The following OPCML variants were observed in gnomAD, a reference collection of about 807,000 sequenced individuals.
The protein encoded by OPCML is opioid-binding protein/cell adhesion molecule.
Under a neutral mutation model 37.8 loss-of-function variants are expected in OPCML, and 13 were observed. That is an observed-to-expected ratio of 0.34 (90% CI 0.22 to 0.55). OPCML has a LOEUF of 0.55. Ranked by LOEUF, OPCML falls within the 20% of genes least tolerant of loss-of-function variation. The pLI is 0.91. For synonymous variants in OPCML, 176 were observed against 168.8 expected (o/e 1.04, Z -0.33); for missense variants, 341 against 435.6 (o/e 0.78, Z 1.93).
intron 1 of OPCML, among the ~76,000 whole-genome samples, chr11:133,193,496 G>A (rs532608060): frequency 2.0e-5 from 3 of 152,244 alleles, no homozygotes; most frequent in African/African-American, 7.2e-5. Context: ...TATTCCATTC[G>A]AAATGCCACA....
intron 4 of OPCML, among the ~76,000 whole-genome samples, chr11:132,507,274 T>C (rs1170544307): frequency 6.6e-6 from 1 of 152,096 alleles, no homozygotes; most frequent in Non-Finnish European, 1.5e-5. Flanking sequence ...TTTGCTTTCA[T>C]AAAGTTTAGA....
At chr11:132,832,934 A>T (rs2136282731) in intron 2 of OPCML, among the ~76,000 whole-genome samples, 1 of 152,232 alleles carries the variant, frequency 6.6e-6, no homozygotes, top group South Asian at 2.1e-4. Flanking sequence ...ATTTTTTTTT[A>T]AATAATACAC....
intron 2 of OPCML, among the ~76,000 whole-genome samples, chr11:132,919,783 G>A (rs1944729868): frequency 6.6e-6 from 1 of 152,312 alleles, no homozygotes; most frequent in Non-Finnish European, 1.5e-5. Context: ...CACCCACAGT[G>A]CCTAAAAAAT....
At chr11:133,490,629 C>A (rs1054044420) in intron 1 of OPCML, among the ~76,000 whole-genome samples, 1 of 152,178 alleles carries the variant, frequency 6.6e-6, no homozygotes, top group South Asian at 2.1e-4. Flanking sequence ...TGAGACCATG[C>A]CACTCCTCTG....
intron 7 of OPCML, among the ~76,000 whole-genome samples, chr11:132,422,297 T>C (rs917460378): frequency 4.6e-5 from 7 of 152,098 alleles, no homozygotes; most frequent in Non-Finnish European, 8.8e-5. Context: ...CAAGGTTGAA[T>C]ATAGCTAAAG....
At chr11:133,131,467 C>T (rs1949603071) in intron 1 of OPCML, among the ~76,000 whole-genome samples, 1 of 152,124 alleles carries the variant, frequency 6.6e-6, no homozygotes, top group South Asian at 2.1e-4. Flanking sequence ...TATGATCTCC[C>T]ACTACAGACC....
intron 1 of OPCML, among the ~76,000 whole-genome samples, chr11:133,448,075 T>G (rs1355830140): frequency 6.6e-6 from 1 of 152,230 alleles, no homozygotes; most frequent in Non-Finnish European, 1.5e-5. Flanking sequence ...CCTTTGTGAA[T>G]CATGCTTTTG....
chr11:132,717,045 G>A (rs1009853874), intron 2 of OPCML, among the ~76,000 whole-genome samples: 3 of 152,078 alleles, frequency 2.0e-5, no homozygotes, highest in Middle Eastern at 3.4e-3. Context: ...AGATACTCTG[G>A]ACATGTATCA....
At chr11:132,781,387 T>C (rs1947007376) in intron 2 of OPCML, among the ~76,000 whole-genome samples, 1 of 152,006 alleles carries the variant, frequency 6.6e-6, no homozygotes, top group Non-Finnish European at 1.5e-5. Flanking sequence ...TTCTTGCTTT[T>C]GGACTTGAAC....
chr11:132,441,401 C>T (rs967263438), intron 4 of OPCML, among the ~76,000 whole-genome samples: 1 of 151,698 alleles, frequency 6.6e-6, no homozygotes, highest in Non-Finnish European at 1.5e-5. Context: ...ATCTCCTGAC[C>T]TCGTGATCCG....
At position 132,647,160 on chromosome 11, in the gene OPCML, A is replaced by T. The variant is rs369509725; in HGVS notation, c.379+9927T>A. On this transcript the variant is annotated intron_variant, in intron 3 of 7. Coordinates refer to ENST00000524381, the MANE Select transcript of OPCML (RefSeq NM_001012393.5). ...AGAAGCTGAGTGGAGAATTGAAAGG[A>T]AGTTAAGCTAGAAGCTGAGTGGAGA... 2.0e-4 allele frequency among the ~76,000 whole-genome samples: 30 copies of T among 152,272 alleles called. No individual in the cohort carries two copies. The East Asian group carries it at 2.5e-3, about 13-fold the overall frequency.
chr11:133,068,490 T>C (rs916702041), intron 1 of OPCML, among the ~76,000 whole-genome samples: 13 of 152,222 alleles, frequency 8.5e-5, no homozygotes, highest in Admixed American at 3.9e-4. Flanking sequence ...TCAAAATTCA[T>C]GTGCTCTGTT....
intron 1 of OPCML, among the ~76,000 whole-genome samples, chr11:133,157,971 G>A (rs894554595): frequency 6.6e-6 from 1 of 152,206 alleles, no homozygotes; most frequent in African/African-American, 2.4e-5. Flanking sequence ...CAGGTCTCTG[G>A]TGAGGGCCAG....
chr11:133,450,319 C>T (rs1419915638), intron 1 of OPCML, among the ~76,000 whole-genome samples: 1 of 151,680 alleles, frequency 6.6e-6, no homozygotes, highest in East Asian at 1.9e-4. Flanking sequence ...TCTCCAAATA[C>T]TACAACCAGA....
chr11:133,261,855 C>T lies in OPCML; in HGVS notation c.61+270409G>A, dbSNP rs372237163. ...GAGCGGTGGCTCTAGTGGAATGCAGCGGGCAGGAGCAATGGCTGTGCAGGC... is the reference window on the plus strand; with the variant it reads ...GAGCGGTGGCTCTAGTGGAATGCAGTGGGCAGGAGCAATGGCTGTGCAGGC... On this transcript the variant is annotated intron_variant, in intron 1 of 7. Transcript: ENST00000524381. Among the ~76,000 whole-genome samples, 24 of 152,242 alleles carry T rather than the reference C, an allele frequency of 1.6e-4. No individual in the cohort carries two copies. In the East Asian group the frequency reaches 2.5e-3, roughly 16 times the overall value.
chr11:132,686,592 A>G (rs2135871512), intron 2 of OPCML, among the ~76,000 whole-genome samples: 1 of 152,334 alleles, frequency 6.6e-6, no homozygotes, highest in African/African-American at 2.4e-5. Context: ...TCTGGAACCA[A>G]AGTATCAATG....
At chr11:132,643,176 C>A (rs1295361437) in intron 3 of OPCML, among the ~76,000 whole-genome samples, 1 of 152,192 alleles carries the variant, frequency 6.6e-6, no homozygotes, top group Non-Finnish European at 1.5e-5. Flanking sequence ...TCTCGGGAAG[C>A]TGAGGCATGA....
At chr11:133,006,802 T>A in intron 1 of OPCML, 1 of 985,420 alleles carries the variant, frequency 1.0e-6, no homozygotes, top group Non-Finnish European at 1.2e-6. Context: ...TGCCTTCCAC[T>A]CTAGCAGGAG....
chr11:132,909,583 C>G (rs919606145), intron 2 of OPCML, among the ~76,000 whole-genome samples: 1 of 152,176 alleles, frequency 6.6e-6, no homozygotes, highest in African/African-American at 2.4e-5. Context: ...CCCAACTGAC[C>G]AGGCTTCAGT....
Sources: gnomAD v4.1 joint callset for allele counts (sites outside exome capture counted in the v4.1 genomes callset) on GRCh38, gnomAD v4.1.1 for gene constraint, MANE v1.5 for transcripts, NCBI Gene and HGNC (gene_info 2026-07-23, HGNC 2026-07-21) for gene names.